LARP1B: variants seen among roughly 807,000 people sequenced by gnomAD.
LARP1B encodes la-related protein 1B.
Under a neutral mutation model 114.2 loss-of-function variants are expected in LARP1B, and 76 were observed. The observed-to-expected ratio is 0.67, with a 90% CI of 0.55 to 0.81. The LOEUF (loss-of-function observed/expected upper bound fraction) is 0.81. Ranked by LOEUF, LARP1B falls within the 30% of genes least tolerant of loss-of-function variation. LARP1B has a pLI of 0.00. For missense variants in LARP1B, 1,014 were observed against 1,075.8 expected, an observed-to-expected ratio of 0.94 and a Z score of 0.80; for synonymous variants, 345 against 348.0, an observed-to-expected ratio of 0.99 and a Z score of 0.10.
chr4:128,098,929 C>T (rs1018850783), intron 8 of LARP1B, among the ~76,000 whole-genome samples: 1 of 150,388 alleles, frequency 6.6e-6, no homozygotes, highest in Non-Finnish European at 1.5e-5. Flanking sequence ...AAGCACGCAC[C>T]ATCATGCCCG....
chr4:128,162,601 A>G (rs959893718), intron 12 of LARP1B, among the ~76,000 whole-genome samples: 7 of 152,126 alleles, frequency 4.6e-5, no homozygotes, highest in African/African-American at 1.7e-4. Context: ...CCCAAAATAA[A>G]ATTTTTCACT....
chr4:128,095,318 G>A (rs887099367), intron 7 of LARP1B, among the ~76,000 whole-genome samples: 33 of 151,522 alleles, frequency 2.2e-4, no homozygotes, highest in African/African-American at 6.8e-4. Context: ...GTGAAACCCC[G>A]TCTCTACTAA....
chr4:128,114,496 G>C, intron 9 of LARP1B, 74 bp from the exon 10 acceptor site: 1 of 1,131,126 alleles, frequency 8.8e-7, no homozygotes. Flanking sequence ...CCCAGTTAAG[G>C]AAAAAATGAA....
intron 11 of LARP1B, among the ~76,000 whole-genome samples, chr4:128,127,607 G>A (rs1317897568): frequency 6.6e-6 from 1 of 152,208 alleles, no homozygotes. Flanking sequence ...GCCGAGGTGG[G>A]TGTATTACCT....
At chr4:128,142,982 G>A (rs1728710642) in intron 11 of LARP1B, among the ~76,000 whole-genome samples, 3 of 151,704 alleles carry the variant, frequency 2.0e-5, no homozygotes, top group Admixed American at 2.0e-4. Flanking sequence ...AGAGTCAAGT[G>A]AATCAAGAGA....
chr4:128,207,432 A>T, intron 19 of LARP1B, 49 bp downstream of exon 19: 1 of 1,289,174 alleles, frequency 7.8e-7, no homozygotes. Flanking sequence ...CATATATTTC[A>T]GTCTCTTATC....
intron 5 of LARP1B, among the ~76,000 whole-genome samples, chr4:128,084,169 G>T (rs1431566230): frequency 1.3e-5 from 2 of 151,086 alleles, no homozygotes; most frequent in African/African-American, 4.9e-5. Context: ...GGCTCCTCAC[G>T]TCCCAGACAA....
chr4:128,098,716 TAAA>T (rs1778954883), intron 8 of LARP1B, among the ~76,000 whole-genome samples: 1 of 134,212 alleles, frequency 7.5e-6, no homozygotes, highest in South Asian at 2.5e-4. Context: ...CAGGTTACTG[TAAA>T]AAAGCATGTG....
intron 8 of LARP1B, among the ~76,000 whole-genome samples, 195 bp from the exon 9 acceptor site, chr4:128,106,944 G>A (rs1782321745): frequency 6.6e-6 from 1 of 152,196 alleles, no homozygotes; most frequent in Admixed American, 6.6e-5. Flanking sequence ...ATAAGTGGGA[G>A]ATCAGGATAT....
At position 128,091,029 on chromosome 4, in the gene LARP1B, T is replaced by A. The variant is rs1399318655; in HGVS notation, c.387T>A (p.Asp129Glu). Residue 129 changes from aspartate (D) to glutamate (E), a missense_variant, in exon 6 of 20, where the codon GAT becomes GAA. Physicochemically the swap from Asp to Glu is conservative, Grantham distance 45 (BLOSUM62 2). Coordinates refer to ENST00000326639, the MANE Select transcript of LARP1B (RefSeq NM_018078.4). ...RSWKRDREKRDDQDDVSSVRS... is the reference protein window; with the variant it reads ...RSWKRDREKREDQDDVSSVRS... ...GGAAGCGAGATAGAGAAAAAAGGGA[T>A]GATCAAGATGACGTTTCCAGTGTGA... 6.2e-7 allele frequency: 1 copy of A among 1,612,534 alleles called. No individual in the cohort carries two copies. Among genetic ancestry groups the A allele is most frequent in the Non-Finnish European group, 8.5e-7 (1 of 1,179,138 alleles).
At chr4:128,123,000 A>C in intron 11 of LARP1B, 1 of 984,630 alleles carries the variant, frequency 1.0e-6, no homozygotes, top group Non-Finnish European at 1.2e-6. Context: ...AGGGAAAATT[A>C]TATAACATTA....
intron 1 of LARP1B, chr4:128,069,429 C>T (rs945337690): frequency 2.9e-5 from 22 of 760,410 alleles, no homozygotes; most frequent in African/African-American, 2.5e-4. Flanking sequence ...GCCACCATGG[C>T]GAACACGAAT....
intron 6 of LARP1B, 58 bp from the exon 7 acceptor site, chr4:128,091,289 G>A (rs891681589): frequency 9.2e-6 from 14 of 1,522,212 alleles, no homozygotes; most frequent in African/African-American, 4.2e-5. Flanking sequence ...CACTTTATCC[G>A]TAGTAACTAT....
intron 1 of LARP1B, 82 bp from the exon 2 acceptor site, chr4:128,074,378 T>A (rs557185551): frequency 4.6e-6 from 1 of 216,018 alleles, no homozygotes; most frequent in South Asian, 1.7e-4. Flanking sequence ...TTATACTGAT[T>A]TACTGAAATT....
intron 5 of LARP1B, among the ~76,000 whole-genome samples, chr4:128,086,675 G>C (rs1261507565): frequency 6.6e-6 from 1 of 152,114 alleles, no homozygotes; most frequent in Non-Finnish European, 1.5e-5. Context: ...GCAATAAGAA[G>C]GAGCTAGGTT....
chr4:128,117,914 T>A (rs956518810), intron 10 of LARP1B, among the ~76,000 whole-genome samples: 2 of 21,768 alleles, frequency 9.2e-5, no homozygotes, highest in South Asian at 2.9e-3. Flanking sequence ...ACAGAAAATC[T>A]TTTTTTTTTT....
chr4:128,069,327 A>G (rs758995410), intron 1 of LARP1B: 56 of 794,052 alleles, frequency 7.1e-5, no homozygotes, highest in Non-Finnish European at 1.1e-4. Context: ...CCGCTTTGCA[A>G]TGGACTGAAG....
intron 17 of LARP1B, among the ~76,000 whole-genome samples, chr4:128,205,960 A>G (rs1262192938): frequency 1.3e-5 from 2 of 152,154 alleles, no homozygotes; most frequent in Non-Finnish European, 2.9e-5. Flanking sequence ...AAAATAGCAA[A>G]GCCAGCTGTA....
chr4:128,074,699 A>G (rs944981411), intron 2 of LARP1B, among the ~76,000 whole-genome samples, 181 bp downstream of exon 2: 2 of 152,220 alleles, frequency 1.3e-5, no homozygotes, highest in East Asian at 3.8e-4. Flanking sequence ...GTTATCATGT[A>G]TAACTCAATT....
Sources: allele counts gnomAD v4.1 joint callset (sites outside exome capture counted in the v4.1 genomes callset), GRCh38; gene constraint gnomAD v4.1.1; transcripts MANE v1.5; gene names NCBI Gene and HGNC (gene_info 2026-07-23, HGNC 2026-07-21).